Variants in ZWILCH observed in about 807,000 individuals in gnomAD.
ZWILCH encodes protein zwilch homolog.
A neutral mutation model predicts 79.9 loss-of-function variants in ZWILCH; 74 were observed. That is an observed-to-expected ratio of 0.93 (90% CI 0.77 to 1.12). The LOEUF (loss-of-function observed/expected upper bound fraction) is 1.12, where lower values mean the gene tolerates loss of function less well. ZWILCH is among the 50% of genes most tolerant of loss of function. ZWILCH has a pLI of 0.00. For missense variants in ZWILCH, 694 were observed against 687.5 expected (o/e 1.01, Z -0.11); for synonymous variants, 241 against 228.2 (o/e 1.06, Z -0.51).
Position 66,521,244 on chromosome 15 carries a change from C to T in ZWILCH, c.747+39C>T, listed in dbSNP as rs199750779. On this transcript the variant is annotated intron_variant, in intron 7 of 18. Transcript: ENST00000307897. ...CTATTTCCTTTTCGGGTTCATGAGA[C>T]TCCTAAATGTTGGCTTACTTGGTTG... The T allele has an allele frequency of 6.3e-5, 100 of 1,597,574 alleles. 1 individual carries two copies. The African/African-American group carries it at 1.1e-3, about 18-fold the overall frequency.
chr15:66,525,049 T>G (rs879167989), intron 8 of ZWILCH, among the ~76,000 whole-genome samples: 1 of 152,226 alleles, frequency 6.6e-6, no homozygotes, highest in African/African-American at 2.4e-5. Flanking sequence ...GTGCTATTGC[T>G]TCAAGAGTCA....
chr15:66,536,650 C>T (rs1895024395), intron 15 of ZWILCH, among the ~76,000 whole-genome samples: 1 of 152,038 alleles, frequency 6.6e-6, no homozygotes. Flanking sequence ...AGGAAATGTA[C>T]CATTACATTT....
At chr15:66,518,606 A>G (rs1894375035) in intron 4 of ZWILCH, among the ~76,000 whole-genome samples, 1 of 152,226 alleles carries the variant, frequency 6.6e-6, no homozygotes, top group Admixed American at 6.5e-5. Context: ...TGAGGCAAGT[A>G]GTTTGAGACC....
intron 5 of ZWILCH, chr15:66,520,359 G>T: frequency 2.5e-6 from 1 of 394,738 alleles, no homozygotes; most frequent in Non-Finnish European, 4.6e-6. Flanking sequence ...GGGTTCAAAC[G>T]ATCCTCCCTC....
At chr15:66,507,897 T>C (rs11854947) in intron 1 of ZWILCH, among the ~76,000 whole-genome samples, 10,343 of 146,564 alleles carry the variant, frequency 0.071, 417 homozygotes, top group Middle Eastern at 0.12. Flanking sequence ...CACGCCACTG[T>C]ACTCCAACTC....
Position 66,535,970 on chromosome 15 carries a change from A to G in ZWILCH, c.1379A>G (p.Gln460Arg). The change falls in exon 15 of 19, where the codon CAG becomes CGG. Residue 460 changes from glutamine to arginine, a missense_variant. By Grantham distance (43) the Gln-to-Arg change is conservative. Coordinates refer to ENST00000307897, the MANE Select transcript of ZWILCH (RefSeq NM_017975.5). The stretch of plus-strand genomic sequence containing the variant: ...GCTCCATCAGTAGATATACAAGAAC[A>G]GGTTTATCGTGTCCAAAAACTCCAC... ...FIAPSVDIQEQVYRVQKLHHI... is the reference protein window; with the variant it reads ...FIAPSVDIQERVYRVQKLHHI... The G allele has an allele frequency of 6.2e-7, 1 of 1,609,846 alleles. No homozygotes were observed. Among genetic ancestry groups the G allele is most frequent in the Non-Finnish European group, 8.5e-7 (1 of 1,178,912 alleles).
intron 16 of ZWILCH, among the ~76,000 whole-genome samples, chr15:66,538,058 G>A (rs545581217): frequency 1.3e-5 from 2 of 152,322 alleles, no homozygotes; most frequent in Admixed American, 6.5e-5. Flanking sequence ...TGGGATTAGA[G>A]GAAGTAGGGA....
rs761946015 is a variant in ZWILCH, at chr15:66,514,078, A to G, written c.196A>G (p.Lys66Glu). 20 of 1,606,514 alleles carry G rather than the reference A, an allele frequency of 1.2e-5. No homozygotes were observed. The African/African-American group carries it at 2.4e-4, about 19-fold the overall frequency. Residue 66 changes from lysine (K) to glutamate (E), a missense_variant, in exon 3 of 19, where the codon AAA becomes GAA. By Grantham distance (56) the Lys-to-Glu change is moderately conservative (BLOSUM62 1). Coordinates refer to ENST00000307897, the MANE Select transcript of ZWILCH (RefSeq NM_017975.5). ...AAATGACATAGTATTCATAGTGGAAAAAGTGGTAAGTACTGGTTTGACTTT... is the reference window on the plus strand; with the variant it reads ...AAATGACATAGTATTCATAGTGGAAGAAGTGGTAAGTACTGGTTTGACTTT... ...NENDIVFIVEKVPLEKEETSH... is the reference protein window; with the variant it reads ...NENDIVFIVEEVPLEKEETSH...
chr15:66,538,171 T>C (rs563292793), intron 16 of ZWILCH, among the ~76,000 whole-genome samples: 4 of 152,266 alleles, frequency 2.6e-5, no homozygotes, highest in Non-Finnish European at 4.4e-5. Context: ...ATACTTGAAA[T>C]TTCTCTCATA....
rs146782022 is a variant in ZWILCH at position 66,548,576 on chromosome 15, T to C, written c.*252T>C. ...CAGACAGTGGGTACCACGATCTCCG[T>C]AACCATTTGCATGTGACTTAGCAAG... On this transcript the variant is annotated 3_prime_UTR_variant, in exon 19 of 19. Coordinates refer to ENST00000307897, the MANE Select transcript of ZWILCH (RefSeq NM_017975.5). 3.0e-4 allele frequency: 483 copies of C among 1,611,760 alleles called. No homozygotes were observed. Among genetic ancestry groups the C allele is most frequent in the Non-Finnish European group, 4.0e-4 (470 of 1,177,976 alleles).
chr15:66,526,322 C>T (rs771891588), intron 8 of ZWILCH, among the ~76,000 whole-genome samples: 5 of 152,176 alleles, frequency 3.3e-5, no homozygotes, highest in East Asian at 1.9e-4. Context: ...GCTTCATAGT[C>T]GCTTTTTCTA....
intron 4 of ZWILCH, among the ~76,000 whole-genome samples, chr15:66,517,977 C>A (rs1894350076): frequency 6.6e-6 from 1 of 151,710 alleles, no homozygotes; most frequent in Non-Finnish European, 1.5e-5. Flanking sequence ...GTGATCTGCC[C>A]ACCTCGGCCT....
At chr15:66,528,099 T>A (rs1264358979) in intron 10 of ZWILCH, among the ~76,000 whole-genome samples, 187 bp downstream of exon 10, 2 of 152,186 alleles carry the variant, frequency 1.3e-5, no homozygotes, top group Admixed American at 6.5e-5. Context: ...TAAATATTTT[T>A]ATTTAATTAT....
chr15:66,528,930 G>A lies in ZWILCH; in HGVS notation c.1048G>A (p.Glu350Lys), dbSNP rs991187640. ...FKVRSDLDFAEQLWCKMSSSV... is the reference protein window; with the variant it reads ...FKVRSDLDFAKQLWCKMSSSV... The stretch of plus-strand genomic sequence containing the variant: ...AGTTCGGAGTGATCTTGATTTTGCT[G>A]AGCAACTGTGGTGCAAAATGAGCAG... Residue 350 changes from glutamate (E) to lysine (K), a missense_variant, in exon 11 of 19, where the codon GAG (glutamate) becomes AAG (lysine). Coordinates refer to ENST00000307897, the MANE Select transcript of ZWILCH (RefSeq NM_017975.5). The A allele has an allele frequency of 6.2e-7, 1 of 1,614,050 alleles. No homozygotes were observed. The highest frequency in any genetic ancestry group is 1.3e-5 in the African/African-American group (1 of 75,032).
In ZWILCH at chr15:66,548,480, T is replaced by C; in HGVS notation, c.*156T>C. The C allele has an allele frequency of 6.7e-7, 1 of 1,494,352 alleles. No homozygotes were observed. Among genetic ancestry groups the C allele is most frequent in the African/African-American group, 1.4e-5 (1 of 72,682 alleles). 92.6% of individuals were successfully genotyped at this position (1,494,352 alleles called of 1,614,324 possible). A position where few individuals can be genotyped will look rare whatever the true frequency, so the allele number is the denominator to read the frequency against. ...TTCTCTTATGAAGCTCCAAAATTGATAATCCTGTCTCAGCTCTGCCTCCTC... is the reference window on the plus strand; with the variant it reads ...TTCTCTTATGAAGCTCCAAAATTGACAATCCTGTCTCAGCTCTGCCTCCTC... On this transcript the variant is annotated 3_prime_UTR_variant, in exon 19 of 19. Coordinates refer to ENST00000307897, the MANE Select transcript of ZWILCH (RefSeq NM_017975.5).
chr15:66,527,422 C>T (rs532216696), intron 9 of ZWILCH, 39 bp downstream of exon 9: 1 of 1,448,568 alleles, frequency 6.9e-7, no homozygotes, highest in East Asian at 2.3e-5. Flanking sequence ...TTTATACTTG[C>T]TATGTTTAAA....
chr15:66,543,998 G>A (rs757742666), intron 17 of ZWILCH, among the ~76,000 whole-genome samples: 1 of 152,100 alleles, frequency 6.6e-6, no homozygotes, highest in Non-Finnish European at 1.5e-5. Context: ...TATGGCTCAC[G>A]CCTGTAATCC....
intron 7 of ZWILCH, 84 bp downstream of exon 7, chr15:66,521,289 C>T: frequency 6.7e-7 from 1 of 1,494,110 alleles, no homozygotes; most frequent in South Asian, 1.2e-5. Context: ...CTCCATGCCT[C>T]TAGCCTTGGC....
chr15:66,513,630 G>A (rs1894149294), intron 2 of ZWILCH, among the ~76,000 whole-genome samples: 1 of 151,190 alleles, frequency 6.6e-6, no homozygotes, highest in African/African-American at 2.4e-5. Flanking sequence ...GGAGTGCAGT[G>A]GCACGATCTC....
Sources: gnomAD v4.1 joint callset for allele counts (sites outside exome capture counted in the v4.1 genomes callset) on GRCh38, gnomAD v4.1.1 for gene constraint, MANE v1.5 for transcripts, NCBI Gene and HGNC (gene_info 2026-07-23, HGNC 2026-07-21) for gene names.